INPP4B: variants seen among roughly 807,000 people sequenced by gnomAD.
INPP4B encodes inositol polyphosphate-4-phosphatase type II B.
INPP4B carries 55 observed loss-of-function variants against 122.5 expected under a neutral mutation model. The ratio of observed to expected loss-of-function variants is 0.45; its 90% CI spans 0.36 to 0.56. The LOEUF (loss-of-function observed/expected upper bound fraction) is 0.56. Among genes scored for constraint, INPP4B ranks in the 20% least tolerant of loss-of-function variants. The probability of loss-of-function intolerance (pLI) is 0.00; values close to 1 mark genes in which losing one functional copy is unlikely to be tolerated. For synonymous variants in INPP4B, 403 were observed against 388.7 expected (o/e 1.04, Z -0.43); for missense variants, 1,000 against 1,097.7 (o/e 0.91, Z 1.26).
intron 7 of INPP4B, among the ~76,000 whole-genome samples, chr4:142,359,813 G>A (rs1365548720): frequency 9.2e-5 from 14 of 151,840 alleles, no homozygotes; most frequent in Non-Finnish European, 5.9e-5. Flanking sequence ...TTAATAACTT[G>A]TTATAGAGTT....
At chr4:142,362,171 G>A (rs150351356) in intron 7 of INPP4B, among the ~76,000 whole-genome samples, 1 of 152,144 alleles carries the variant, frequency 6.6e-6, no homozygotes, top group Non-Finnish European at 1.5e-5. Flanking sequence ...GGGTGCGTGG[G>A]TGGGAGCCAA....
At chr4:142,381,836 T>C (rs1307043630) in intron 7 of INPP4B, among the ~76,000 whole-genome samples, 2 of 152,154 alleles carry the variant, frequency 1.3e-5, no homozygotes, top group Non-Finnish European at 2.9e-5. Flanking sequence ...ATCAAAATCA[T>C]AGTTAATTAT....
intron 1 of INPP4B, among the ~76,000 whole-genome samples, chr4:142,827,222 C>T (rs1781559525): frequency 6.6e-6 from 1 of 152,172 alleles, no homozygotes; most frequent in South Asian, 2.1e-4. Context: ...AGCATAAGAG[C>T]CATGCAATAT....
intron 5 of INPP4B, among the ~76,000 whole-genome samples, chr4:142,409,072 G>T (rs574766846): frequency 1.3e-5 from 2 of 152,286 alleles, no homozygotes; most frequent in Admixed American, 1.3e-4. Flanking sequence ...TAACATGAGG[G>T]TTCACATTCT....
In INPP4B at chr4:142,152,423, T is replaced by C. The variant is rs2152872770; in HGVS notation, c.1564-6427A>G. ...GTGTGCTCTATAAATGTAATGACTA[T>C]TATTTTTTAATCCTTTCATTCTCAT... is the stretch of plus-strand genomic sequence containing the variant. On this transcript the variant is annotated intron_variant, in intron 17 of 25. Transcript: ENST00000262992. Among the ~76,000 whole-genome samples the C allele has an allele frequency of 2.6e-5, 4 of 152,164 alleles. No homozygotes were observed. The South Asian group carries it at 8.3e-4, about 32-fold the overall frequency.
chr4:142,322,752 A>C (rs1340497652), intron 7 of INPP4B, among the ~76,000 whole-genome samples: 1 of 152,202 alleles, frequency 6.6e-6, no homozygotes, highest in Non-Finnish European at 1.5e-5. Context: ...ACCCTAAAAC[A>C]GTTGTTATTA....
Position 142,030,067 on chromosome 4 carries a change from G to C in INPP4B, c.2643-1153C>G, listed in dbSNP as rs926057330. The C allele has an allele frequency of 5.5e-5, 79 of 1,431,558 alleles. No homozygotes were observed. The East Asian group carries it at 2.0e-3, about 36-fold the overall frequency. The allele number at this position is 1,431,558 out of a possible 1,614,324, so 88.7% of individuals were successfully genotyped here. ...GAAAATGTAAAAATATTACAGCATTGTCCCCATAATTTAAAGTTCATTGTC... is the reference window on the plus strand; with the variant it reads ...GAAAATGTAAAAATATTACAGCATTCTCCCCATAATTTAAAGTTCATTGTC... On this transcript the variant is annotated intron_variant, in intron 25 of 25. Coordinates refer to ENST00000262992, the MANE Select transcript of INPP4B (RefSeq NM_001101669.3).
In INPP4B at chr4:142,237,948, A is replaced by G; in HGVS notation, c.752T>C (p.Ile251Thr). Residue 251 changes from isoleucine (I) to threonine (T), a missense_variant, in exon 12 of 26, where the codon ATT (isoleucine) becomes ACT (threonine). Coordinates refer to ENST00000262992, the MANE Select transcript of INPP4B (RefSeq NM_001101669.3). ...AATGCTCTCTGACATCTGCTCTCGAATTCGCATCCACTTATTGTCAGATGT... is the reference window on the plus strand; with the variant it reads ...AATGCTCTCTGACATCTGCTCTCGAGTTCGCATCCACTTATTGTCAGATGT... ...FPTSDNKWMR[I>T]REQMSESILS... The G allele has an allele frequency of 6.3e-7, 1 of 1,576,666 alleles. No homozygotes were observed. The highest frequency in any genetic ancestry group is 8.7e-7 in the Non-Finnish European group (1 of 1,148,434).
Position 142,123,281 on chromosome 4 carries a change from G to A in INPP4B, c.2017+11C>T, listed in dbSNP as rs564854511. On this transcript the variant is annotated intron_variant, in intron 20 of 25. Coordinates refer to ENST00000262992, the MANE Select transcript of INPP4B (RefSeq NM_001101669.3). ...AAATGTGATTTTAACTTGTACTAAAGCAATACTCACTGTATGTACTTAGCA... is the reference window on the plus strand; with the variant it reads ...AAATGTGATTTTAACTTGTACTAAAACAATACTCACTGTATGTACTTAGCA... 4 of 1,581,636 alleles carry A rather than the reference G, an allele frequency of 2.5e-6. No individual in the cohort carries two copies. The African/African-American group carries it at 4.1e-5, about 16-fold the overall frequency.
chr4:142,067,437 A>G (rs548032321), intron 25 of INPP4B, among the ~76,000 whole-genome samples: 1 of 152,356 alleles, frequency 6.6e-6, no homozygotes, highest in Non-Finnish European at 1.5e-5. Context: ...AAAGAAATGT[A>G]GCTCCTCACT....
intron 15 of INPP4B, among the ~76,000 whole-genome samples, chr4:142,191,014 AG>A (rs1470502564): frequency 1.3e-5 from 2 of 150,656 alleles, no homozygotes; most frequent in African/African-American, 2.5e-5. Context: ...AATTTAATTG[AG>A]GAAAAAAAAT....
intron 11 of INPP4B, among the ~76,000 whole-genome samples, chr4:142,252,919 G>T (rs1215577676): frequency 6.6e-6 from 1 of 152,092 alleles, no homozygotes; most frequent in Non-Finnish European, 1.5e-5. Flanking sequence ...AGGCAATTTC[G>T]TCATGGTGCA....
At chr4:142,604,533 G>C (rs909057792) in intron 2 of INPP4B, among the ~76,000 whole-genome samples, 4 of 152,018 alleles carry the variant, frequency 2.6e-5, no homozygotes, top group Non-Finnish European at 5.9e-5. Context: ...AAAGTTGCAG[G>C]ATGTAAAATC....
intron 17 of INPP4B, among the ~76,000 whole-genome samples, chr4:142,157,680 G>A (rs1817950130): frequency 1.3e-5 from 2 of 152,024 alleles, no homozygotes. Context: ...TTTTTTCCTG[G>A]TGTTAAGACT....
At chr4:142,494,145 C>T (rs1243070529) in intron 2 of INPP4B, among the ~76,000 whole-genome samples, 1 of 152,128 alleles carries the variant, frequency 6.6e-6, no homozygotes, top group African/African-American at 2.4e-5. Context: ...TGAGGCCTCC[C>T]CAGTCATGCT....
intron 16 of INPP4B, 90 bp downstream of exon 16, chr4:142,173,542 A>G (rs1249096011): frequency 2.8e-6 from 3 of 1,060,534 alleles, no homozygotes; most frequent in Non-Finnish European, 4.1e-6. Flanking sequence ...ACATTTCCAG[A>G]TGCTATGAAT....
chr4:142,639,061 TG>T (rs1263800055), intron 2 of INPP4B, among the ~76,000 whole-genome samples: 1 of 152,210 alleles, frequency 6.6e-6, no homozygotes, highest in African/African-American at 2.4e-5. Context: ...CCTACCTTGC[TG>T]AAGTGTTGAA....
At chr4:142,643,515 T>A (rs1751010430) in intron 2 of INPP4B, among the ~76,000 whole-genome samples, 1 of 152,184 alleles carries the variant, frequency 6.6e-6, no homozygotes, top group Non-Finnish European at 1.5e-5. Context: ...GACCTGATGA[T>A]GGTTGCAGGG....
At chr4:142,503,569 T>C (rs1420010698) in intron 2 of INPP4B, among the ~76,000 whole-genome samples, 5 of 151,994 alleles carry the variant, frequency 3.3e-5, no homozygotes, top group Non-Finnish European at 5.9e-5. Flanking sequence ...AGTATGAAAA[T>C]AATATCTTTC....
Sources: gnomAD v4.1 joint callset for allele counts (sites outside exome capture counted in the v4.1 genomes callset) on GRCh38, gnomAD v4.1.1 for gene constraint, MANE v1.5 for transcripts, NCBI Gene and HGNC (gene_info 2026-07-23, HGNC 2026-07-21) for gene names.